The following NXPE2 variants were observed in gnomAD, a reference collection of about 807,000 sequenced individuals.
The protein encoded by NXPE2 is neurexophilin and PC-esterase domain family member 2, also known as NXPE family member 2.
Under a neutral mutation model 34.4 loss-of-function variants are expected in NXPE2, and 34 were observed. The ratio of observed to expected loss-of-function variants is 0.99; its 90% CI spans 0.75 to 1.31. The LOEUF is 1.31. Among genes scored for constraint, NXPE2 ranks in the 40% most tolerant of loss-of-function variants. The pLI is 0.00. For synonymous variants in NXPE2, 235 were observed against 231.3 expected (o/e 1.02, Z -0.15); for missense variants, 649 against 672.5 (o/e 0.97, Z 0.39).
the NXPE2 span, among the ~76,000 whole-genome samples, chr11:114,798,701 C>T: frequency 6.6e-6 from 1 of 152,284 alleles, no homozygotes; most frequent in East Asian, 1.9e-4. Flanking sequence ...TCTTTTTCTG[C>T]CTTTTGCTAC....
chr11:114,739,309 T>C, the NXPE2 span, among the ~76,000 whole-genome samples: 3 of 68,816 alleles, frequency 4.4e-5, no homozygotes, highest in African/African-American at 1.5e-4. Context: ...CCTTCCTTCC[T>C]TCCTTCCTTC....
At chr11:114,689,619 T>C (rs1565383546) in intron 2 of NXPE2, among the ~76,000 whole-genome samples, 1 of 151,976 alleles carries the variant, frequency 6.6e-6, no homozygotes, top group Non-Finnish European at 1.5e-5. Flanking sequence ...AAGCATCAAA[T>C]TTAAGCCGAG....
chr11:114,522,196 T>C, the NXPE2 span: 2 of 1,614,128 alleles, frequency 1.2e-6, no homozygotes, highest in South Asian at 1.1e-5. Flanking sequence ...TAATAATCAC[T>C]TTAGTGGCTG....
chr11:114,715,167 G>C, the NXPE2 span, among the ~76,000 whole-genome samples: 374 of 152,212 alleles, frequency 2.5e-3, 1 homozygote, highest in Non-Finnish European at 1.1e-3. Flanking sequence ...AGATTTTATT[G>C]CTAGAAGTGA....
rs1020010415 is a variant in NXPE2, at chr11:114,698,874, A to T, written c.866+96A>T. 3.4e-6 allele frequency: 4 copies of T among 1,188,620 alleles called. No individual in the cohort carries two copies. In the African/African-American group the frequency reaches 6.2e-5, roughly 18 times the overall value. The allele number at this position is 1,188,620 out of a possible 1,614,324, so 73.6% of individuals were successfully genotyped here. On this transcript the variant is annotated intron_variant, in intron 3 of 5. Transcript: ENST00000389586. ...CTAATCAAACTTTTGTATCATGTCA[A>T]TTATGTTGACTAAATTATAATTAGG...
the NXPE2 span, among the ~76,000 whole-genome samples, chr11:114,803,820 C>A: frequency 8.6e-5 from 13 of 151,990 alleles, no homozygotes; most frequent in Non-Finnish European, 1.9e-4. Context: ...CCTCGTGATC[C>A]GCCCACCTCG....
the NXPE2 span, among the ~76,000 whole-genome samples, chr11:114,488,464 C>T: frequency 4.6e-5 from 7 of 152,198 alleles, no homozygotes; most frequent in East Asian, 1.3e-3. Context: ...GGAAGTAAAG[C>T]ACTCCTCAGC....
At chr11:114,634,269 A>G in the NXPE2 span, among the ~76,000 whole-genome samples, 1,855 of 151,944 alleles carry the variant, frequency 0.012, 43 homozygotes, top group African/African-American at 0.042. Flanking sequence ...TTCTTTTGAG[A>G]AGTGTCTGTT....
chr11:114,632,006 T>G, the NXPE2 span, among the ~76,000 whole-genome samples: 2 of 148,100 alleles, frequency 1.4e-5, no homozygotes, highest in African/African-American at 4.9e-5. Context: ...CAGCTACTAT[T>G]ACCTAATAGA....
chr11:114,475,275 G>A, the NXPE2 span, among the ~76,000 whole-genome samples: 2 of 113,580 alleles, frequency 1.8e-5, no homozygotes, highest in African/African-American at 6.7e-5. Context: ...ATGGAGTCTC[G>A]CTCTGTCGCC....
the NXPE2 span, among the ~76,000 whole-genome samples, chr11:114,658,935 G>A: frequency 6.6e-6 from 1 of 152,184 alleles, no homozygotes; most frequent in Non-Finnish European, 1.5e-5. Flanking sequence ...AGGGACAAGG[G>A]CATGAAGAGA....
the NXPE2 span, among the ~76,000 whole-genome samples, chr11:114,660,331 C>T: frequency 6.6e-6 from 1 of 151,988 alleles, no homozygotes; most frequent in South Asian, 2.1e-4. Context: ...AATTTCAAAA[C>T]TAGAATTAAC....
the NXPE2 span, among the ~76,000 whole-genome samples, chr11:114,747,873 T>A: frequency 2.9e-4 from 44 of 152,216 alleles, no homozygotes; most frequent in Admixed American, 1.4e-3. Context: ...GAATATGATA[T>A]ATTATCAAGT....
the NXPE2 span, among the ~76,000 whole-genome samples, chr11:114,611,869 T>G: frequency 2.0e-5 from 3 of 150,492 alleles, no homozygotes; most frequent in Non-Finnish European, 4.4e-5. Context: ...TTACCTGGTG[T>G]ATGAGAAATA....
At chr11:114,685,391 G>A (rs1951028457) in intron 2 of NXPE2, among the ~76,000 whole-genome samples, 1 of 152,074 alleles carries the variant, frequency 6.6e-6, no homozygotes, top group African/African-American at 2.4e-5. Context: ...GTACTTACAT[G>A]GTGGAATGGG....
At chr11:114,635,027 G>C in the NXPE2 span, among the ~76,000 whole-genome samples, 2 of 151,840 alleles carry the variant, frequency 1.3e-5, no homozygotes, top group Admixed American at 1.3e-4. Flanking sequence ...TGATGGGGAT[G>C]GCATTGAGTC....
chr11:114,550,414 A>T, the NXPE2 span, among the ~76,000 whole-genome samples: 1 of 152,088 alleles, frequency 6.6e-6, no homozygotes, highest in African/African-American at 2.4e-5. Context: ...TCAGAAATAG[A>T]CCTCATTATA....
At chr11:114,768,398 TG>T in the NXPE2 span, among the ~76,000 whole-genome samples, 1 of 152,252 alleles carries the variant, frequency 6.6e-6, no homozygotes, top group Non-Finnish European at 1.5e-5. Flanking sequence ...ATACAGCTCT[TG>T]TTTGGTTCCA....
At chr11:114,747,512 G>T in the NXPE2 span, among the ~76,000 whole-genome samples, 1 of 151,906 alleles carries the variant, frequency 6.6e-6, no homozygotes. Context: ...AAGAAAAGAG[G>T]TTTAATTGAC....
Sources: gnomAD v4.1 joint callset for allele counts (sites outside exome capture counted in the v4.1 genomes callset) on GRCh38, gnomAD v4.1.1 for gene constraint, MANE v1.5 for transcripts, NCBI Gene and HGNC (gene_info 2026-07-23, HGNC 2026-07-21) for gene names.